RTL4: variants seen among roughly 807,000 people sequenced by gnomAD.
RTL4 encodes the protein retrotransposon Gag-like protein 4.
A neutral mutation model predicts 5.3 loss-of-function variants in RTL4; 4 were observed. That is an observed-to-expected ratio of 0.75 (90% CI 0.37 to 1.72). The LOEUF is 1.72. RTL4 is among the 40% of genes most tolerant of loss of function. RTL4 has a pLI of 0.04. For synonymous variants in RTL4, 98 were observed against 87.3 expected, an observed-to-expected ratio of 1.12 and a Z score of -0.68; for missense variants, 260 against 227.1, an observed-to-expected ratio of 1.14 and a Z score of -0.93.
chrX:112,424,751 T>C, the RTL4 span, among the ~76,000 whole-genome samples: 1 of 111,186 alleles, frequency 9.0e-6, no homozygotes, highest in East Asian at 2.8e-4. Context: ...TGAAGTTGGT[T>C]TTTTTACATT....
chrX:112,221,418 T>A, the RTL4 span, among the ~76,000 whole-genome samples: 1 of 111,399 alleles, frequency 9.0e-6, no homozygotes, highest in South Asian at 3.8e-4. Context: ...GTATTTGGTA[T>A]CAGCATCAAG....
At chrX:112,322,408 C>T in the RTL4 span, among the ~76,000 whole-genome samples, 54 of 108,726 alleles carry the variant, frequency 5.0e-4, no homozygotes, top group Non-Finnish European at 8.6e-4. Flanking sequence ...TCTTCATTTC[C>T]GACTACTAGA....
the RTL4 span, among the ~76,000 whole-genome samples, chrX:112,364,158 T>A: frequency 9.0e-6 from 1 of 111,699 alleles, no homozygotes; most frequent in South Asian, 3.7e-4. Flanking sequence ...TTTTAGCAGA[T>A]GTTCTGAATT....
At chrX:112,177,562 T>A in the RTL4 span, among the ~76,000 whole-genome samples, 4 of 110,553 alleles carry the variant, frequency 3.6e-5, no homozygotes, top group Non-Finnish European at 7.6e-5. Context: ...TGTTTGAGTT[T>A]TGTATGTACT....
chrX:112,108,043 C>A, the RTL4 span, among the ~76,000 whole-genome samples: 1 of 110,626 alleles, frequency 9.0e-6, no homozygotes, highest in African/African-American at 3.3e-5. Flanking sequence ...TTTCAAATAA[C>A]CTGTCTTCAA....
the RTL4 span, among the ~76,000 whole-genome samples, chrX:112,139,016 C>T: frequency 9.0e-6 from 1 of 111,676 alleles, no homozygotes; most frequent in East Asian, 2.8e-4. Flanking sequence ...TCTGTGACGG[C>T]TCCTCAATCT....
chrX:112,187,325 G>T, the RTL4 span, among the ~76,000 whole-genome samples: 323 of 111,967 alleles, frequency 2.9e-3, no homozygotes, highest in African/African-American at 9.6e-3. Context: ...AGTTCTCAAA[G>T]GGATGTCCTG....
chrX:112,348,408 T>C, the RTL4 span, among the ~76,000 whole-genome samples: 3 of 109,270 alleles, frequency 2.7e-5, no homozygotes, highest in Non-Finnish European at 5.7e-5. Context: ...TAGGTGATCC[T>C]TGGTATTTCT....
the RTL4 span, among the ~76,000 whole-genome samples, chrX:112,337,415 C>G: frequency 9.1e-6 from 1 of 110,477 alleles, no homozygotes; most frequent in African/African-American, 3.3e-5. Context: ...TCTCAAGTAG[C>G]TGGGATTACA....
chrX:112,451,312 C>T (rs145940764), upstream of RTL4, among the ~76,000 whole-genome samples: 471 of 110,912 alleles, frequency 4.2e-3, 2 homozygotes, highest in African/African-American at 0.014. Flanking sequence ...CCAGCTTGGG[C>T]AACATGTTGA....
At chrX:112,329,224 G>A in the RTL4 span, among the ~76,000 whole-genome samples, 2 of 111,058 alleles carry the variant, frequency 1.8e-5, no homozygotes, top group African/African-American at 6.5e-5. Context: ...CCAGGAGCTG[G>A]TTTTTTGAAA....
the RTL4 span, among the ~76,000 whole-genome samples, chrX:112,096,282 T>C: frequency 6.2e-5 from 7 of 112,485 alleles, no homozygotes; most frequent in African/African-American, 1.9e-4. Context: ...CCAATTTTCA[T>C]GTAGGGTTCT....
At chrX:112,418,443 A>C in the RTL4 span, among the ~76,000 whole-genome samples, 4 of 111,835 alleles carry the variant, frequency 3.6e-5, no homozygotes, top group African/African-American at 1.3e-4. Flanking sequence ...ATTAAGATTA[A>C]AAAATAGTAT....
the RTL4 span, among the ~76,000 whole-genome samples, chrX:112,421,420 C>T: frequency 8.9e-6 from 1 of 111,781 alleles, no homozygotes; most frequent in Admixed American, 9.5e-5. Context: ...ATTAATGATC[C>T]CAGTGCATTT....
the RTL4 span, among the ~76,000 whole-genome samples, chrX:112,198,520 C>G: frequency 8.9e-6 from 1 of 111,947 alleles, no homozygotes; most frequent in Middle Eastern, 4.2e-3. Flanking sequence ...GGCTCAGTTT[C>G]TAATGTTACA....
the RTL4 span, among the ~76,000 whole-genome samples, chrX:112,409,898 T>C: frequency 9.3e-6 from 1 of 107,542 alleles, no homozygotes; most frequent in East Asian, 3.0e-4. Flanking sequence ...TGAATGTAAA[T>C]GGACTAAAAT....
chrX:112,446,773 G>A, the RTL4 span, among the ~76,000 whole-genome samples: 6 of 111,768 alleles, frequency 5.4e-5, no homozygotes, highest in East Asian at 2.8e-4. Flanking sequence ...ACTTGAACCC[G>A]GGAAGCGAAG....
At chrX:112,384,498 T>A in the RTL4 span, among the ~76,000 whole-genome samples, 1 of 111,860 alleles carries the variant, frequency 8.9e-6, no homozygotes, top group Non-Finnish European at 1.9e-5. Context: ...TGTCAGGTTT[T>A]GTCAAAGATC....
At chrX:112,335,803 G>C in the RTL4 span, among the ~76,000 whole-genome samples, 1 of 109,387 alleles carries the variant, frequency 9.1e-6, no homozygotes, top group African/African-American at 3.3e-5. Flanking sequence ...ACTGCAGCCA[G>C]TAAAATCTTT....
Sources: gnomAD v4.1 joint callset for allele counts (sites outside exome capture counted in the v4.1 genomes callset) on GRCh38, gnomAD v4.1.1 for gene constraint, MANE v1.5 for transcripts, NCBI Gene and HGNC (gene_info 2026-07-23, HGNC 2026-07-21) for gene names.